HDAC8: variants seen among roughly 807,000 people sequenced by gnomAD.
The protein encoded by HDAC8 is histone deacetylase-like 1.
In HDAC8, 1 loss-of-function variant was observed where a neutral mutation model predicts 32.2. That is an observed-to-expected ratio of 0.03 (90% CI 0.01 to 0.15). The LOEUF (loss-of-function observed/expected upper bound fraction) is 0.15. Among genes scored for constraint, HDAC8 ranks in the 10% least tolerant of loss-of-function variants. The probability of loss-of-function intolerance (pLI) is 1.00; values close to 1 mark genes in which losing one functional copy is unlikely to be tolerated. For missense variants in HDAC8, 117 were observed against 300.0 expected (o/e 0.39, Z 4.51); for synonymous variants, 108 against 113.9 (o/e 0.95, Z 0.33).
chrX:72,450,024 A>T (rs1555986805), intron 9 of HDAC8, among the ~76,000 whole-genome samples: 12 of 112,264 alleles, frequency 1.1e-4, no homozygotes. Context: ...TGGAGAAATG[A>T]TTAAACAACC....
At position 72,528,521 on chromosome X, in the gene HDAC8, G is replaced by T. The variant is rs1048452982; in HGVS notation, c.438-33253C>A. Among the ~76,000 whole-genome samples, 4 of 112,140 alleles carry T rather than the reference G, an allele frequency of 3.6e-5. No homozygotes were observed. In the Admixed American group the frequency reaches 3.8e-4, roughly 11 times the overall value. On this transcript the variant is annotated intron_variant, in intron 4 of 10. Transcript: ENST00000373573. Reference sequence around the variant, plus strand: ...AAGTGAGCTTCCTGTGATAAGAGGTGAGCAATCAGAAGCTGAAGAATGCTT... The same window carrying T: ...AAGTGAGCTTCCTGTGATAAGAGGTTAGCAATCAGAAGCTGAAGAATGCTT...
At chrX:72,330,570 T>A (rs782796787) in intron 10 of HDAC8, among the ~76,000 whole-genome samples, 22 of 111,870 alleles carry the variant, frequency 2.0e-4, no homozygotes, top group African/African-American at 7.1e-4. Flanking sequence ...TTTTCTCTTG[T>A]GAGTACCTGT....
intron 9 of HDAC8, among the ~76,000 whole-genome samples, chrX:72,443,993 T>C (rs1223669704): frequency 1.8e-5 from 2 of 108,427 alleles, no homozygotes; most frequent in African/African-American, 3.5e-5. Context: ...CAGGAAGAAG[T>C]TGAATCTCTG....
chrX:72,337,465 T>C (rs1489424573), intron 10 of HDAC8, among the ~76,000 whole-genome samples: 2 of 111,533 alleles, frequency 1.8e-5, no homozygotes, highest in Non-Finnish European at 3.8e-5. Flanking sequence ...CTAGGGGTCA[T>C]CCTTACTCCT....
rs782774740 is a variant in HDAC8, at chrX:72,559,697, T to C, written c.437+8192A>G. On this transcript the variant is annotated intron_variant, in intron 4 of 10. Transcript: ENST00000373573. ...CTGCCCCGCCACCCCGTCTGGGATG[T>C]GAGGAGCGCCTCTGCCCAGCCGGGA... Among the ~76,000 whole-genome samples, 272 of 107,227 alleles carry C rather than the reference T, an allele frequency of 2.5e-3. 1 individual carries two copies. Among genetic ancestry groups the C allele is most frequent in the Non-Finnish European group, 4.6e-3 (238 of 51,501 alleles). 93.1% of individuals were successfully genotyped at this position (107,227 alleles called of 115,157 possible). A position where few individuals can be genotyped will look rare whatever the true frequency, so the allele number is the denominator to read the frequency against.
chrX:72,367,468 C>T (rs781910145), intron 9 of HDAC8, among the ~76,000 whole-genome samples: 22 of 112,157 alleles, frequency 2.0e-4, no homozygotes, highest in Non-Finnish European at 3.0e-4. Context: ...GTCTATGAGG[C>T]TCACAGGAAG....
At chrX:72,490,843 G>T (rs1429725135) in intron 6 of HDAC8, 86 bp downstream of exon 6, 2 of 744,517 alleles carry the variant, frequency 2.7e-6, no homozygotes, top group Non-Finnish European at 4.1e-6. Flanking sequence ...GGCATTAACA[G>T]CATGGAACTG....
chrX:72,501,010 TC>T (rs1351832737), intron 4 of HDAC8, among the ~76,000 whole-genome samples: 1 of 111,022 alleles, frequency 9.0e-6, no homozygotes, highest in African/African-American at 3.3e-5. Context: ...TGAAAGAACT[TC>T]CATTCACAAT....
chrX:72,462,305 G>C, intron 8 of HDAC8: 1 of 368,983 alleles, frequency 2.7e-6, no homozygotes, highest in East Asian at 4.3e-5. Context: ...GTGTAAAACT[G>C]GGCAGTCCAA....
At chrX:72,446,497 G>A (rs1454327562) in intron 9 of HDAC8, among the ~76,000 whole-genome samples, 2 of 109,888 alleles carry the variant, frequency 1.8e-5, no homozygotes, top group East Asian at 5.7e-4. Context: ...AGAACACGTG[G>A]ACACAGGAAG....
At chrX:72,363,555 C>T (rs1555953308) in intron 9 of HDAC8, among the ~76,000 whole-genome samples, 3 of 110,906 alleles carry the variant, frequency 2.7e-5, no homozygotes, top group African/African-American at 9.9e-5. Context: ...CTCACTGCAA[C>T]CCACACCTCC....
intron 10 of HDAC8, among the ~76,000 whole-genome samples, chrX:72,342,315 C>T (rs924016065): frequency 8.9e-6 from 1 of 112,532 alleles, no homozygotes; most frequent in Non-Finnish European, 1.9e-5. Context: ...TGCAGACCCT[C>T]CTCTGGAACT....
intron 5 of HDAC8, among the ~76,000 whole-genome samples, chrX:72,492,941 A>G (rs1481627134): frequency 8.9e-6 from 1 of 112,029 alleles, no homozygotes; most frequent in African/African-American, 3.2e-5. Context: ...AAGAGAAGAC[A>G]CAGACACATT....
intron 9 of HDAC8, among the ~76,000 whole-genome samples, chrX:72,442,292 C>T (rs1434637984): frequency 9.0e-6 from 1 of 111,167 alleles, no homozygotes; most frequent in Non-Finnish European, 1.9e-5. Context: ...AGAGAAAGGT[C>T]GGGTTACCCA....
chrX:72,505,576 G>A (rs1312470834), intron 4 of HDAC8, among the ~76,000 whole-genome samples: 4 of 111,198 alleles, frequency 3.6e-5, no homozygotes, highest in Non-Finnish European at 1.9e-5. Context: ...CAGCACTTTG[G>A]GAGGCTGGGG....
chrX:72,539,699 G>A (rs1361677854), intron 4 of HDAC8, among the ~76,000 whole-genome samples: 1 of 111,702 alleles, frequency 9.0e-6, no homozygotes, highest in Non-Finnish European at 1.9e-5. Context: ...GGCAGTTGGA[G>A]GCTTCAGCCA....
chrX:72,427,927 G>T (rs1210733955), intron 9 of HDAC8, among the ~76,000 whole-genome samples: 1 of 111,419 alleles, frequency 9.0e-6, no homozygotes, highest in Non-Finnish European at 1.9e-5. Context: ...CTTTCAACTT[G>T]CACCTAATTT....
At chrX:72,419,493 A>G (rs1370615432) in intron 9 of HDAC8, among the ~76,000 whole-genome samples, 24 of 111,956 alleles carry the variant, frequency 2.1e-4, no homozygotes, top group African/African-American at 7.4e-4. Flanking sequence ...AATGGTAAAT[A>G]TGACTTCAAA....
At chrX:72,371,838 G>A (rs2044885879) in intron 9 of HDAC8, among the ~76,000 whole-genome samples, 1 of 112,174 alleles carries the variant, frequency 8.9e-6, no homozygotes, top group African/African-American at 3.2e-5. Flanking sequence ...ATATAGCAGT[G>A]AACAAAACAA....
Sources: allele counts gnomAD v4.1 joint callset (sites outside exome capture counted in the v4.1 genomes callset), GRCh38; gene constraint gnomAD v4.1.1; transcripts MANE v1.5; gene names NCBI Gene and HGNC (gene_info 2026-07-23, HGNC 2026-07-21).